MARCHF1: variants seen among roughly 807,000 people sequenced by gnomAD.
MARCHF1 encodes E3 ubiquitin-protein ligase MARCHF1.
Under a neutral mutation model 54.2 loss-of-function variants are expected in MARCHF1, and 40 were observed. The ratio of observed to expected loss-of-function variants is 0.74; its 90% CI spans 0.57 to 0.96. MARCHF1 has a LOEUF of 0.96. Ranked by LOEUF, MARCHF1 falls within the 40% of genes least tolerant of loss-of-function variation. The pLI is 0.00. For synonymous variants in MARCHF1, 236 were observed against 236.3 expected, an observed-to-expected ratio of 1.00 and a Z score of 0.01; for missense variants, 586 against 656.5, an observed-to-expected ratio of 0.89 and a Z score of 1.17.
At chr4:163,843,872 T>C (rs945278294) in intron 4 of MARCHF1, among the ~76,000 whole-genome samples, 3 of 152,048 alleles carry the variant, frequency 2.0e-5, no homozygotes, top group Non-Finnish European at 4.4e-5. Context: ...ATTTCTTTAA[T>C]GATAAGTGAC....
chr4:164,038,328 C>T (rs1383991897), intron 2 of MARCHF1, among the ~76,000 whole-genome samples: 7 of 152,038 alleles, frequency 4.6e-5, no homozygotes, highest in Admixed American at 4.6e-4. Context: ...CCTGTCTCTA[C>T]TAAAAATACA....
At chr4:164,082,416 A>G (rs1159284262) in intron 2 of MARCHF1, among the ~76,000 whole-genome samples, 2 of 152,220 alleles carry the variant, frequency 1.3e-5, no homozygotes, top group African/African-American at 4.8e-5. Flanking sequence ...CAGATGAAAG[A>G]TCTTTACAGT....
chr4:163,825,201 T>C (rs1419785996), intron 4 of MARCHF1, among the ~76,000 whole-genome samples: 1 of 152,062 alleles, frequency 6.6e-6, no homozygotes, highest in Admixed American at 6.6e-5. Context: ...GCGTTTGGTT[T>C]TCTGTTCCTG....
chr4:163,859,968 T>C (rs563192982), intron 3 of MARCHF1, among the ~76,000 whole-genome samples: 8 of 152,270 alleles, frequency 5.3e-5, no homozygotes, highest in East Asian at 3.9e-4. Context: ...CTTGTAGACA[T>C]AAAAATGAAA....
At chr4:164,304,044 A>T (rs189006906) in intron 1 of MARCHF1, among the ~76,000 whole-genome samples, 31 of 152,310 alleles carry the variant, frequency 2.0e-4, no homozygotes, top group Non-Finnish European at 4.0e-4. Context: ...TTCTTTCTAA[A>T]ACACATTCTT....
At chr4:163,791,898 G>T (rs1296529248) in intron 4 of MARCHF1, among the ~76,000 whole-genome samples, 3 of 151,970 alleles carry the variant, frequency 2.0e-5, no homozygotes, top group African/African-American at 7.3e-5. Context: ...GCCACCTTTT[G>T]CCCCTATTAC....
rs1738177081 is a variant in MARCHF1, at chr4:163,527,763, T to G, written c.*985A>C. On this transcript the variant is annotated 3_prime_UTR_variant, in exon 10 of 10. Transcript: ENST00000514618. ...ATAGTTAATTCAAGTTGAAGTGTAC[T>G]TTTAAATTACCAACTGGATTTTGAA... 6.6e-6 allele frequency: 1 copy of G among 152,236 alleles called. No individual in the cohort carries two copies. The highest frequency in any genetic ancestry group is 2.4e-5 in the African/African-American group (1 of 41,574). 9.4% of individuals were successfully genotyped at this position (152,236 alleles called of 1,614,324 possible). A position where few individuals can be genotyped will look rare whatever the true frequency, so the allele number is the denominator to read the frequency against.
chr4:163,783,658 G>C (rs1327186117), intron 4 of MARCHF1, among the ~76,000 whole-genome samples: 2 of 152,088 alleles, frequency 1.3e-5, no homozygotes, highest in African/African-American at 4.8e-5. Context: ...TATGAAGGAG[G>C]CATTTAAAAT....
chr4:163,853,702 C>G (rs1052336357), intron 4 of MARCHF1, among the ~76,000 whole-genome samples: 6 of 152,228 alleles, frequency 3.9e-5, no homozygotes, highest in African/African-American at 1.4e-4. Flanking sequence ...CCAAAGGTTT[C>G]ATTACGCAGT....
At chr4:163,834,057 A>T (rs1036690539) in intron 4 of MARCHF1, among the ~76,000 whole-genome samples, 1 of 152,210 alleles carries the variant, frequency 6.6e-6, no homozygotes, top group African/African-American at 2.4e-5. Context: ...TTAAAAAACA[A>T]ATGCAGTTGC....
chr4:163,565,038 A>G (rs1739598903), intron 8 of MARCHF1, among the ~76,000 whole-genome samples: 1 of 152,200 alleles, frequency 6.6e-6, no homozygotes, highest in African/African-American at 2.4e-5. Flanking sequence ...AGCTCAGAAA[A>G]TACTTCGTCT....
rs546940568 is a variant in MARCHF1, at chr4:163,965,926, G to A, written c.-39+22575C>T. 9.2e-5 allele frequency among the ~76,000 whole-genome samples: 14 copies of A among 152,118 alleles called. No individual in the cohort carries two copies. The South Asian group carries it at 1.9e-3, about 20-fold the overall frequency. On this transcript the variant is annotated intron_variant, in intron 3 of 9. Coordinates refer to ENST00000514618, the MANE Select transcript of MARCHF1 (RefSeq NM_001394959.1). ...AAGGAAAGGACATACTTTCATTTGT[G>A]CCTCTCACAATTTTTAGTGAAATTT...
chr4:163,597,699 GTTAA>G (rs1478210581), intron 7 of MARCHF1, among the ~76,000 whole-genome samples: 2 of 151,466 alleles, frequency 1.3e-5, no homozygotes, highest in Middle Eastern at 3.4e-3. Context: ...TCATTCTTTA[GTTAA>G]TTAATAGATT....
chr4:164,192,929 G>T lies in MARCHF1; in HGVS notation c.-322-81267C>A, dbSNP rs186621179. ...AGGCACAATTTGAGTTTCTGAAAAT[G>T]GTTAGAGGGAGGACACTGTTACCGA... On this transcript the variant is annotated intron_variant, in intron 1 of 9. Transcript: ENST00000514618. Among the ~76,000 whole-genome samples the T allele has an allele frequency of 4.6e-5, 7 of 152,212 alleles. No homozygotes were observed. In the East Asian group the frequency reaches 1.4e-3, roughly 29 times the overall value.
At chr4:164,102,747 T>A (rs1047948101) in intron 2 of MARCHF1, among the ~76,000 whole-genome samples, 1 of 150,946 alleles carries the variant, frequency 6.6e-6, no homozygotes, top group African/African-American at 2.4e-5. Context: ...ATGACAGGAT[T>A]AAATTCACAC....
At chr4:163,676,185 C>CAAAAAA (rs869219643) in intron 5 of MARCHF1, among the ~76,000 whole-genome samples, 121 of 89,072 alleles carry the variant, frequency 1.4e-3, no homozygotes, top group Non-Finnish European at 2.0e-3. Flanking sequence ...ACTAAAAATA[C>CAAAAAA]AAAAAAAAAA....
chr4:164,309,976 T>A (rs1734803273), intron 1 of MARCHF1, among the ~76,000 whole-genome samples: 1 of 152,102 alleles, frequency 6.6e-6, no homozygotes, highest in African/African-American at 2.4e-5. Context: ...TCACAACAAA[T>A]CATGTTCCTT....
intron 1 of MARCHF1, among the ~76,000 whole-genome samples, chr4:164,236,940 C>G (rs1192398492): frequency 6.6e-6 from 1 of 152,130 alleles, no homozygotes; most frequent in Admixed American, 6.6e-5. Flanking sequence ...CATTGTCTAT[C>G]TCTTGTAATT....
chr4:164,310,524 C>T (rs1359394065), intron 1 of MARCHF1, among the ~76,000 whole-genome samples: 2 of 140,836 alleles, frequency 1.4e-5, no homozygotes. Flanking sequence ...AGAAAAAAAT[C>T]ATTTTTATAC....
Sources: gnomAD v4.1 joint callset for allele counts (sites outside exome capture counted in the v4.1 genomes callset) on GRCh38, gnomAD v4.1.1 for gene constraint, MANE v1.5 for transcripts, NCBI Gene and HGNC (gene_info 2026-07-23, HGNC 2026-07-21) for gene names.